The following AK9 variants were observed in gnomAD, a reference collection of about 807,000 sequenced individuals.
AK9 encodes adenylate kinase 9, also known as adenylate kinase domain containing 1.
AK9 carries 191 observed loss-of-function variants against 239.6 expected under a neutral mutation model. That is an observed-to-expected ratio of 0.80 (90% CI 0.71 to 0.90). AK9 has a LOEUF of 0.90. Ranked by LOEUF, AK9 falls within the 40% of genes least tolerant of loss-of-function variation. The pLI, the probability that AK9 is intolerant of heterozygous loss-of-function variation, is 0.00. For synonymous variants in AK9, 689 were observed against 721.0 expected, an observed-to-expected ratio of 0.96 and a Z score of 0.71; for missense variants, 1,995 against 2,214.7, an observed-to-expected ratio of 0.90 and a Z score of 1.99.
chr6:109,598,080 A>T (rs1361628166), intron 17 of AK9, among the ~76,000 whole-genome samples: 4 of 151,478 alleles, frequency 2.6e-5, no homozygotes, highest in African/African-American at 4.8e-5. Context: ...TTATATATAT[A>T]TTTTAAATTA....
intron 12 of AK9, among the ~76,000 whole-genome samples, chr6:109,623,926 C>T (rs563298463): frequency 4.7e-5 from 7 of 150,214 alleles, no homozygotes; most frequent in South Asian, 4.3e-4. Context: ...CACATCCCTC[C>T]GTAAGCCCCC....
rs544626884 is a variant in AK9, at chr6:109,569,592, G to A, written c.2344+3850C>T. Among the ~76,000 whole-genome samples, 61 of 151,850 alleles carry A rather than the reference G, an allele frequency of 4.0e-4. 1 individual carries two copies. The East Asian group carries it at 4.3e-3, about 11-fold the overall frequency. On this transcript the variant is annotated intron_variant, in intron 21 of 40. Coordinates refer to ENST00000424296, the MANE Select transcript of AK9 (RefSeq NM_001145128.3). The stretch of plus-strand genomic sequence containing the variant: ...TTAAACAAATTTACAAGAAAAAATC[G>A]AACAACCCCATCAAAAAGTGGGCAA...
chr6:109,503,667 A>G (rs1354200652), intron 35 of AK9, among the ~76,000 whole-genome samples: 2 of 152,178 alleles, frequency 1.3e-5, no homozygotes, highest in Non-Finnish European at 2.9e-5. Flanking sequence ...AGATGAAACT[A>G]TGTGTGAGAG....
chr6:109,684,116 T>C (rs904388530), intron 1 of AK9, among the ~76,000 whole-genome samples: 1 of 152,224 alleles, frequency 6.6e-6, no homozygotes, highest in African/African-American at 2.4e-5. Flanking sequence ...CCATCTGATC[T>C]TTGACAAACC....
chr6:109,619,208 G>A lies in AK9; in HGVS notation c.1283C>T (p.Pro428Leu), dbSNP rs1362623012. The part of the protein sequence containing the change: ...KVVDYAQLVQ[P>L]RFDKARETLV... ...TGTTTCACGGGCTTTATCAAAACGT[G>A]GCTGAACAAGTTGGGCATAGTCGAC... Residue 428 changes from proline to leucine, a missense_variant, in exon 13 of 41, where the codon CCA (proline) becomes CTA (leucine). Around this residue, in one of 5 missense-constraint regions of AK9, gnomAD observed 1,290 missense variants for 1,392.7 expected, o/e 0.93. Transcript: ENST00000424296. 1.3e-6 allele frequency: 2 copies of A among 1,549,060 alleles called. No individual in the cohort carries two copies. Among genetic ancestry groups the A allele is most frequent in the Non-Finnish European group, 1.7e-6 (2 of 1,145,848 alleles).
At position 109,614,178 on chromosome 6, in the gene AK9, G is replaced by C. The variant is rs1793890657; in HGVS notation, c.1609+5C>G. ...AAACGTGGGATTAGCAGTTCACTTT[G>C]TTACCATCTTTATCAACTTTAGCAG... On this transcript the variant is annotated splice_donor_5th_base_variant and intron_variant, in intron 15 of 40. Coordinates refer to ENST00000424296, the MANE Select transcript of AK9 (RefSeq NM_001145128.3). 3 of 1,548,462 alleles carry C rather than the reference G, an allele frequency of 1.9e-6. No homozygotes were observed. The highest frequency in any genetic ancestry group is 1.2e-5 in the South Asian group (1 of 83,966).
At chr6:109,565,004 C>T (rs982894578) in intron 21 of AK9, among the ~76,000 whole-genome samples, 159 bp from the exon 22 acceptor site, 8 of 151,964 alleles carry the variant, frequency 5.3e-5, no homozygotes, top group African/African-American at 7.3e-5. Flanking sequence ...CATAAGAATA[C>T]ATAATAAAAA....
chr6:109,659,234 T>C lies in AK9; in HGVS notation c.624A>G (p.Glu208=), dbSNP rs1202598285. 2 of 1,580,928 alleles carry C rather than the reference T, an allele frequency of 1.3e-6. No homozygotes were observed. Among genetic ancestry groups the C allele is most frequent in the Non-Finnish European group, 1.7e-6 (2 of 1,170,506 alleles). ...TTACCTATTGAGATATTACCTCTTC[T>C]TCTTCTTGCTCTTCTTCCTCTTCTT... is the stretch of plus-strand genomic sequence containing the variant. ...EEEEEEEEQE[E]EEAFIAEMQM... The change falls in exon 7 of 41, where the codon GAA becomes GAG. Residue 208 remains glutamate (E), a synonymous_variant. Transcript: ENST00000424296.
intron 28 of AK9, 64 bp from the exon 29 acceptor site, chr6:109,529,137 T>G: frequency 6.8e-7 from 1 of 1,472,474 alleles, no homozygotes; most frequent in Non-Finnish European, 9.0e-7. Context: ...TTCTCTGTAT[T>G]CATATATTTT....
chr6:109,582,066 T>C (rs1788930844), intron 19 of AK9, among the ~76,000 whole-genome samples: 1 of 152,324 alleles, frequency 6.6e-6, no homozygotes, highest in African/African-American at 2.4e-5. Flanking sequence ...TTAACTGCTG[T>C]TGAGATCTAC....
chr6:109,600,349 T>A (rs1791750210), intron 17 of AK9, among the ~76,000 whole-genome samples: 1 of 152,226 alleles, frequency 6.6e-6, no homozygotes, highest in Non-Finnish European at 1.5e-5. Flanking sequence ...GTGGTTTTTG[T>A]CTTTGGTTCT....
At chr6:109,679,245 C>A (rs1172021104) in intron 1 of AK9, among the ~76,000 whole-genome samples, 1 of 152,170 alleles carries the variant, frequency 6.6e-6, no homozygotes, top group African/African-American at 2.4e-5. Context: ...TCTGAAGTGA[C>A]CTGGGATGCT....
intron 27 of AK9, among the ~76,000 whole-genome samples, chr6:109,534,039 C>T (rs1244130371): frequency 6.6e-6 from 1 of 151,768 alleles, no homozygotes; most frequent in Non-Finnish European, 1.5e-5. Flanking sequence ...CAACTCATAC[C>T]CACCTCCCTG....
rs1022009641 is a variant in AK9 at position 109,494,129 on chromosome 6, A to T, written c.5419-34T>A. 5.3e-6 allele frequency: 8 copies of T among 1,511,802 alleles called. No homozygotes were observed. The Admixed American group carries it at 1.4e-4, about 26-fold the overall frequency. The allele number at this position is 1,511,802 out of a possible 1,614,324, so 93.6% of individuals were successfully genotyped here. ...AGGGAACAATTCAAATTCTGTGTATACTTGAGTTTGGTTTCTTTTCTTAGT... is the reference window on the plus strand; with the variant it reads ...AGGGAACAATTCAAATTCTGTGTATTCTTGAGTTTGGTTTCTTTTCTTAGT... On this transcript the variant is annotated intron_variant, in intron 39 of 40. Coordinates refer to ENST00000424296, the MANE Select transcript of AK9 (RefSeq NM_001145128.3).
intron 1 of AK9, among the ~76,000 whole-genome samples, chr6:109,686,803 A>T (rs1773574296): frequency 6.6e-6 from 1 of 152,228 alleles, no homozygotes; most frequent in South Asian, 2.1e-4. Context: ...ATGCAACTGG[A>T]AGTATCCACT....
At position 109,545,662 on chromosome 6, in the gene AK9, G is replaced by A. The variant is rs118166381; in HGVS notation, c.3225+205C>T. ...TTTCTTTTGTAAATTGCCTGGTCTC[G>A]GTATGTCTTTGTCAGCAGTGTGAAA... is the stretch of plus-strand genomic sequence containing the variant. On this transcript the variant is annotated intron_variant, in intron 26 of 40. Coordinates refer to ENST00000424296, the MANE Select transcript of AK9 (RefSeq NM_001145128.3). Among the ~76,000 whole-genome samples the A allele has an allele frequency of 2.3e-4, 35 of 152,014 alleles. No homozygotes were observed. The East Asian group carries it at 5.4e-3, about 24-fold the overall frequency.
At chr6:109,494,154 T>G in intron 39 of AK9, 59 bp from the exon 40 acceptor site, 1 of 1,180,992 alleles carries the variant, frequency 8.5e-7, no homozygotes, top group Non-Finnish European at 1.2e-6. Context: ...CTTTTCTTAG[T>G]GCCAATAGAT....
intron 20 of AK9, among the ~76,000 whole-genome samples, chr6:109,578,488 T>C (rs1466896554): frequency 6.6e-6 from 1 of 152,194 alleles, no homozygotes; most frequent in Non-Finnish European, 1.5e-5. Flanking sequence ...GTTTCATTTA[T>C]CTTTTATTTA....
intron 24 of AK9, among the ~76,000 whole-genome samples, chr6:109,563,013 C>A (rs1785982637): frequency 6.6e-6 from 1 of 152,194 alleles, no homozygotes; most frequent in Non-Finnish European, 1.5e-5. Flanking sequence ...AAGCTGTTAT[C>A]AGAATCACAC....
Sources: allele counts gnomAD v4.1 joint callset (sites outside exome capture counted in the v4.1 genomes callset), GRCh38; gene constraint gnomAD v4.1.1; regional missense constraint gnomAD v4.1.1; transcripts MANE v1.5; gene names NCBI Gene and HGNC (gene_info 2026-07-23, HGNC 2026-07-21).